Variants in RALYL observed in about 807,000 individuals in gnomAD.
RALYL encodes RNA-binding Raly-like protein.
In RALYL, 29 loss-of-function variants were observed where a neutral mutation model predicts 35.1. The observed-to-expected ratio is 0.83, with a 90% CI of 0.61 to 1.13. RALYL has a LOEUF of 1.13. Among genes scored for constraint, RALYL ranks in the 50% most tolerant of loss-of-function variants. The pLI, the probability that RALYL is intolerant of heterozygous loss-of-function variation, is 0.00. For synonymous variants in RALYL, 120 were observed against 127.6 expected (o/e 0.94, Z 0.40); for missense variants, 359 against 360.4 (o/e 1.00, Z 0.03).
intron 1 of RALYL, among the ~76,000 whole-genome samples, chr8:84,345,527 T>C (rs1431621607): frequency 6.6e-6 from 1 of 152,094 alleles, no homozygotes; most frequent in African/African-American, 2.4e-5. Flanking sequence ...TTTTTATGTA[T>C]TCTGTAAGTA....
intron 1 of RALYL, among the ~76,000 whole-genome samples, chr8:84,375,353 G>C (rs1358174349): frequency 6.6e-6 from 1 of 151,736 alleles, no homozygotes; most frequent in East Asian, 1.9e-4. Flanking sequence ...AGAACCATAT[G>C]ATTCTTTATT....
intron 1 of RALYL, among the ~76,000 whole-genome samples, chr8:84,504,627 G>T (rs1489652118): frequency 6.6e-6 from 1 of 152,022 alleles, no homozygotes; most frequent in Non-Finnish European, 1.5e-5. Flanking sequence ...TAGGAAAAAG[G>T]CAAGATTTAA....
chr8:84,536,835 G>C (rs1341274974), intron 2 of RALYL, among the ~76,000 whole-genome samples: 1 of 152,130 alleles, frequency 6.6e-6, no homozygotes, highest in Non-Finnish European at 1.5e-5. Flanking sequence ...CAAATCAAAA[G>C]TTAGTGCTTC....
chr8:84,514,108 A>G (rs1162967629), intron 1 of RALYL, among the ~76,000 whole-genome samples: 1 of 142,214 alleles, frequency 7.0e-6, no homozygotes, highest in African/African-American at 2.6e-5. Context: ...AAAAAAAAAA[A>G]AAAAAAAGAA....
intron 1 of RALYL, among the ~76,000 whole-genome samples, chr8:84,457,961 T>C (rs2050327846): frequency 6.6e-6 from 1 of 151,872 alleles, no homozygotes; most frequent in South Asian, 2.1e-4. Context: ...GAGGATATTT[T>C]ATGCTTTTAG....
At chr8:84,460,677 G>A (rs945239089) in intron 1 of RALYL, among the ~76,000 whole-genome samples, 1 of 151,652 alleles carries the variant, frequency 6.6e-6, no homozygotes, top group African/African-American at 2.4e-5. Context: ...AATATAACTA[G>A]TTGCTGATGA....
intron 1 of RALYL, among the ~76,000 whole-genome samples, chr8:84,223,053 T>G (rs1822676799): frequency 6.6e-6 from 1 of 151,892 alleles, no homozygotes; most frequent in Non-Finnish European, 1.5e-5. Context: ...CTTCTTATCT[T>G]GCTTCCCTTT....
intron 2 of RALYL, among the ~76,000 whole-genome samples, chr8:84,691,850 G>A: frequency 6.6e-6 from 1 of 151,878 alleles, no homozygotes; most frequent in East Asian, 1.9e-4. Context: ...CTAAACAAGA[G>A]CAAAATATTA....
chr8:84,449,992 C>A (rs78417409), intron 1 of RALYL, among the ~76,000 whole-genome samples: 1,914 of 151,370 alleles, frequency 0.013, 19 homozygotes, highest in Middle Eastern at 0.048. Flanking sequence ...CATGTCTGAA[C>A]GCATAGAAGG....
chr8:84,407,225 G>A (rs1009785106), intron 1 of RALYL, among the ~76,000 whole-genome samples: 15 of 152,142 alleles, frequency 9.9e-5, no homozygotes, highest in Admixed American at 5.2e-4. Flanking sequence ...TAAATGGCAC[G>A]CAAAAGAGTG....
At chr8:84,489,265 A>G (rs1182436226) in intron 1 of RALYL, among the ~76,000 whole-genome samples, 4 of 151,880 alleles carry the variant, frequency 2.6e-5, no homozygotes, top group Admixed American at 1.3e-4. Context: ...TGATGTATCT[A>G]TTCCTTTTAG....
intron 2 of RALYL, among the ~76,000 whole-genome samples, chr8:84,635,157 A>ATT (rs541519394): frequency 6.7e-6 from 1 of 149,162 alleles, no homozygotes; most frequent in African/African-American, 2.6e-5. Flanking sequence ...TACTTTACAT[A>ATT]TTTTTTTTAT....
intron 3 of RALYL, among the ~76,000 whole-genome samples, chr8:84,777,530 T>C (rs1183026976): frequency 1.3e-5 from 2 of 152,246 alleles, no homozygotes; most frequent in Non-Finnish European, 2.9e-5. Context: ...TAGAGTTGCA[T>C]AAATGAGGTA....
At chr8:84,704,756 A>G (rs1840886220) in intron 2 of RALYL, among the ~76,000 whole-genome samples, 1 of 152,180 alleles carries the variant, frequency 6.6e-6, no homozygotes, top group Non-Finnish European at 1.5e-5. Context: ...ATATTGCTGA[A>G]AACTTATAGA....
At chr8:84,778,527 T>C (rs1286458812) in intron 3 of RALYL, among the ~76,000 whole-genome samples, 1 of 152,082 alleles carries the variant, frequency 6.6e-6, no homozygotes, top group Non-Finnish European at 1.5e-5. Context: ...AATGAGGAAG[T>C]TACTGATTCT....
At chr8:84,783,654 A>G (rs1376533852) in intron 3 of RALYL, among the ~76,000 whole-genome samples, 1 of 152,190 alleles carries the variant, frequency 6.6e-6, no homozygotes, top group East Asian at 1.9e-4. Context: ...CTGCCTCCCC[A>G]GGTCCTTGAG....
intron 1 of RALYL, among the ~76,000 whole-genome samples, chr8:84,228,751 C>G (rs1355955423): frequency 6.6e-6 from 1 of 152,114 alleles, no homozygotes; most frequent in Non-Finnish European, 1.5e-5. Context: ...TGGGAGGCCT[C>G]AGGACACCTA....
intron 2 of RALYL, among the ~76,000 whole-genome samples, chr8:84,646,458 G>A (rs953688419): frequency 2.6e-5 from 4 of 151,946 alleles, no homozygotes; most frequent in African/African-American, 9.7e-5. Flanking sequence ...TTAGTTTGGG[G>A]GATTGTATTA....
At chr8:84,310,051 T>A (rs1223131230) in intron 1 of RALYL, among the ~76,000 whole-genome samples, 4 of 151,804 alleles carry the variant, frequency 2.6e-5, no homozygotes, top group African/African-American at 9.7e-5. Flanking sequence ...TTTTTCTTTT[T>A]TTTTTTCTTT....
Sources: allele counts gnomAD v4.1 joint callset (sites outside exome capture counted in the v4.1 genomes callset), GRCh38; gene constraint gnomAD v4.1.1; transcripts MANE v1.5; gene names NCBI Gene and HGNC (gene_info 2026-07-23, HGNC 2026-07-21).